CSF2RA: variants seen among roughly 807,000 people sequenced by gnomAD.
CSF2RA encodes colony stimulating factor 2 receptor subunit alpha, also known as granulocyte-macrophage colony-stimulating factor receptor subunit alpha.
A neutral mutation model predicts 51.6 loss-of-function variants in CSF2RA; 42 were observed. The observed-to-expected ratio is 0.81, with a 90% CI of 0.64 to 1.05. The LOEUF is 1.05. Ranked by LOEUF, CSF2RA falls within the 50% of genes least tolerant of loss-of-function variation. CSF2RA has a pLI of 0.00. For synonymous variants in CSF2RA, 222 were observed against 193.0 expected (o/e 1.15, Z -1.24); for missense variants, 530 against 501.1 (o/e 1.06, Z -0.55).
chrX:1,322,956 C>G, the CSF2RA span, among the ~76,000 whole-genome samples: 2 of 150,730 alleles, frequency 1.3e-5, 1 homozygote, highest in African/African-American at 4.9e-5. Flanking sequence ...GGTGAAACCT[C>G]ATCTCTACTA....
chrX:1,295,487 C>T lies in CSF2RA; in HGVS notation c.810+31C>T, dbSNP rs751749384. 9.9e-6 allele frequency: 16 copies of T among 1,612,206 alleles called. No homozygotes were observed. The South Asian group carries it at 1.2e-4, about 12-fold the overall frequency. ...TGAAACCACAGACCCTACTGACAAC[C>T]CTCAGCGTAACCCTACGGTCCCCTA... On this transcript the variant is annotated intron_variant, in intron 9 of 12. Coordinates refer to ENST00000381529, the MANE Select transcript of CSF2RA (RefSeq NM_172245.4).
At chrX:1,271,398 GGT>G (rs2088398351) in intron 1 of CSF2RA, among the ~76,000 whole-genome samples, 1 of 144,658 alleles carries the variant, frequency 6.9e-6, no homozygotes, top group Non-Finnish European at 1.5e-5. Flanking sequence ...GGAGTGCAGT[GGT>G]GCAATCTCCG....
At chrX:1,279,083 G>A (rs780680954) in intron 2 of CSF2RA, among the ~76,000 whole-genome samples, 1 of 150,088 alleles carries the variant, frequency 6.7e-6, no homozygotes, top group South Asian at 2.1e-4. Flanking sequence ...ACGTACAGTG[G>A]CTCACACCTG....
At chrX:1,316,009 TAG>T in the CSF2RA span, among the ~76,000 whole-genome samples, 2 of 115,708 alleles carry the variant, frequency 1.7e-5, no homozygotes, top group African/African-American at 3.2e-5. Flanking sequence ...GACAGATAGA[TAG>T]ATATATAGAT....
chrX:1,314,933 CACTTGCCCAACCCCTCTGT>C (rs2084487598), downstream of CSF2RA, among the ~76,000 whole-genome samples: 2 of 89,924 alleles, frequency 2.2e-5, no homozygotes, highest in African/African-American at 8.0e-5. Context: ...AACCGCACTG[CACTTGCCCAACCCCTCTGT>C]GCCTGCCCAA....
At chrX:1,302,744 A>G (rs1164867006) in intron 10 of CSF2RA, among the ~76,000 whole-genome samples, 1 of 150,860 alleles carries the variant, frequency 6.6e-6, no homozygotes, top group Admixed American at 6.6e-5. Flanking sequence ...CCCAGGCTGG[A>G]GTTCAATGGC....
rs368671015 is a variant in CSF2RA, at chrX:1,286,035, G to A, written c.219+115G>A. On this transcript the variant is annotated intron_variant, in intron 4 of 12. Coordinates refer to ENST00000381529, the MANE Select transcript of CSF2RA (RefSeq NM_172245.4). The stretch of plus-strand genomic sequence containing the variant: ...CGCCTGTCATCCCAGCACTTTGGGA[G>A]GCTGAGGTGGGCGGATCACCTGAGG... 6.3e-5 allele frequency: 70 copies of A among 1,118,982 alleles called. 1 individual carries two copies. Among genetic ancestry groups the A allele is most frequent in the East Asian group, 6.1e-4 (26 of 42,602 alleles). The allele number at this position is 1,118,982 out of a possible 1,614,324, so 69.3% of individuals were successfully genotyped here. A position where few individuals can be genotyped will look rare whatever the true frequency, so the allele number is the denominator to read the frequency against.
At chrX:1,305,653 G>T in intron 12 of CSF2RA, 126 bp downstream of exon 12, 1 of 1,607,396 alleles carries the variant, frequency 6.2e-7, no homozygotes, top group Non-Finnish European at 8.5e-7. Flanking sequence ...CACCACCGGT[G>T]TGGCTGGAAT....
At chrX:1,292,948 C>T (rs1310736736) in intron 7 of CSF2RA, among the ~76,000 whole-genome samples, 9 of 152,056 alleles carry the variant, frequency 5.9e-5, no homozygotes, top group African/African-American at 2.2e-4. Flanking sequence ...CGGGCTCTCT[C>T]GGGCAGAGGT....
At chrX:1,283,909 C>T (rs1253311645) in intron 3 of CSF2RA, among the ~76,000 whole-genome samples, 8 of 151,996 alleles carry the variant, frequency 5.3e-5, no homozygotes, top group African/African-American at 1.4e-4. Context: ...TTGTGACTGG[C>T]GTGGAATGAT....
intron 6 of CSF2RA, among the ~76,000 whole-genome samples, chrX:1,289,423 C>A (rs749328991): frequency 6.6e-6 from 1 of 152,282 alleles, no homozygotes; most frequent in East Asian, 1.9e-4. Flanking sequence ...GCCACTGCAC[C>A]TGGCCTGTTT....
intron 6 of CSF2RA, 126 bp downstream of exon 6, chrX:1,289,014 T>C (rs1482977947): frequency 4.6e-6 from 6 of 1,297,960 alleles, no homozygotes; most frequent in Non-Finnish European, 6.6e-6. Context: ...CAGGCTGCAA[T>C]GCAATGGTGC....
the CSF2RA span, among the ~76,000 whole-genome samples, chrX:1,320,653 A>C: frequency 6.9e-6 from 1 of 144,330 alleles, no homozygotes. Context: ...GCCCACCATC[A>C]TGCCCAGCTA....
downstream of CSF2RA, among the ~76,000 whole-genome samples, chrX:1,312,032 C>A (rs1453019617): frequency 6.6e-6 from 1 of 152,134 alleles, no homozygotes; most frequent in South Asian, 2.1e-4. Context: ...TCTCAGCTCG[C>A]TACAACCTCC....
At chrX:1,302,728 G>C (rs1391198227) in intron 10 of CSF2RA, among the ~76,000 whole-genome samples, 1 of 137,782 alleles carries the variant, frequency 7.3e-6, no homozygotes, top group Non-Finnish European at 1.6e-5. Context: ...GAGTTTCGCT[G>C]TGTCACCCAG....
downstream of CSF2RA, among the ~76,000 whole-genome samples, chrX:1,314,890 C>T (rs1196669151): frequency 1.4e-5 from 1 of 70,592 alleles, no homozygotes; most frequent in East Asian, 3.0e-4. Flanking sequence ...TGCCCAACCA[C>T]ACTGAACCTG....
chrX:1,322,859 G>A, the CSF2RA span, among the ~76,000 whole-genome samples: 1 of 152,052 alleles, frequency 6.6e-6, no homozygotes, highest in African/African-American at 2.4e-5. Flanking sequence ...GCCGGGCGCG[G>A]TGGCTCACGC....
At chrX:1,314,016 A>T (rs2084299304), downstream of CSF2RA, among the ~76,000 whole-genome samples, 1 of 152,004 alleles carries the variant, frequency 6.6e-6, no homozygotes. Context: ...ATAAAATAAA[A>T]TTAAATTAAA....
chrX:1,295,399 C>T lies in CSF2RA; in HGVS notation c.781-28C>T, dbSNP rs781682177. The T allele has an allele frequency of 6.2e-6, 10 of 1,613,416 alleles. 1 individual carries two copies. In the South Asian group the frequency reaches 1.1e-4, roughly 18 times the overall value. ...TGTTTTAGAAATGGAAACAGTGAGC[C>T]TTGTGTTGTGTTTTGTTTTGTTTCT... On this transcript the variant is annotated intron_variant, in intron 8 of 12. Transcript: ENST00000381529.
Sources: allele counts gnomAD v4.1 joint callset (sites outside exome capture counted in the v4.1 genomes callset), GRCh38; gene constraint gnomAD v4.1.1; transcripts MANE v1.5; gene names NCBI Gene and HGNC (gene_info 2026-07-23, HGNC 2026-07-21).